Variants in PRKAR1B observed in about 807,000 individuals in gnomAD.
PRKAR1B encodes cAMP-dependent protein kinase type I-beta regulatory subunit.
A neutral mutation model predicts 46.5 loss-of-function variants in PRKAR1B; 22 were observed. The ratio of observed to expected loss-of-function variants is 0.47; its 90% CI spans 0.34 to 0.68. PRKAR1B has a LOEUF of 0.68. PRKAR1B is among the 30% of genes least tolerant of loss of function. The probability of loss-of-function intolerance (pLI) is 0.01; values close to 1 mark genes in which losing one functional copy is unlikely to be tolerated. For synonymous variants in PRKAR1B, 259 were observed against 217.7 expected (o/e 1.19, Z -1.67); for missense variants, 445 against 535.6 (o/e 0.83, Z 1.67).
chr7:551,544 C>A (rs1784198208), intron 9 of PRKAR1B, 74 bp from the exon 10 acceptor site: 3 of 1,416,186 alleles, frequency 2.1e-6, no homozygotes, highest in African/African-American at 1.4e-5. Context: ...GGGGTCACCC[C>A]ACAGGGGGTC....
At chr7:688,912 C>T (rs1779255476) in intron 2 of PRKAR1B, among the ~76,000 whole-genome samples, 1 of 152,152 alleles carries the variant, frequency 6.6e-6, no homozygotes. Context: ...ACAGTAAATG[C>T]TTAATACATA....
chr7:641,973 G>A (rs1179367094), intron 4 of PRKAR1B, among the ~76,000 whole-genome samples: 2 of 152,046 alleles, frequency 1.3e-5, no homozygotes, highest in Non-Finnish European at 1.5e-5. Context: ...GCACAATCCA[G>A]CTCACTGCAG....
rs955609615 is a variant in PRKAR1B, at chr7:714,447, C to T, written c.-22-2920G>A. Reference sequence around the variant, plus strand: ...CAGGTTTGGGGGCTGGCAGCATGCACGTGGCCAGCCAGACATGCGGCCCCT... The same window carrying T: ...CAGGTTTGGGGGCTGGCAGCATGCATGTGGCCAGCCAGACATGCGGCCCCT... On this transcript the variant is annotated intron_variant, in intron 1 of 10. Coordinates refer to ENST00000537384, the MANE Select transcript of PRKAR1B (RefSeq NM_001164760.2). The surrounding 1 kb of genome is among the most constrained non-coding windows in gnomAD (Gnocchi z 4.3). 6.6e-6 allele frequency among the ~76,000 whole-genome samples: 1 copy of T among 152,206 alleles called. No homozygotes were observed. Among genetic ancestry groups the T allele is most frequent in the South Asian group, 2.1e-4 (1 of 4,824 alleles).
chr7:607,107 G>A (rs769303383), intron 5 of PRKAR1B, among the ~76,000 whole-genome samples: 31 of 152,040 alleles, frequency 2.0e-4, no homozygotes, highest in South Asian at 4.1e-4. Context: ...AGGTTCAAGC[G>A]ATTCTCCTGC....
intron 4 of PRKAR1B, among the ~76,000 whole-genome samples, chr7:628,213 G>A (rs1424893217): frequency 1.3e-5 from 2 of 152,236 alleles, no homozygotes; most frequent in Non-Finnish European, 2.9e-5. Context: ...TCAGCGATGG[G>A]CTCTGCGGGC....
chr7:582,422 C>A lies in PRKAR1B; in HGVS notation c.769+2086G>T, dbSNP rs1780240500. On this transcript the variant is annotated intron_variant, in intron 8 of 10. Transcript: ENST00000537384. Reference sequence around the variant, plus strand: ...GCTGCCTGCGGAGACACCGCCCCGCCAGCCACTTTTTGGAGGACTTTGTGC... The same window carrying A: ...GCTGCCTGCGGAGACACCGCCCCGCAAGCCACTTTTTGGAGGACTTTGTGC... 2.6e-5 allele frequency among the ~76,000 whole-genome samples: 4 copies of A among 152,282 alleles called. No homozygotes were observed. In the South Asian group the frequency reaches 8.3e-4, roughly 31 times the overall value.
At chr7:632,162 ATCT>A (rs2128479874) in intron 4 of PRKAR1B, among the ~76,000 whole-genome samples, 1 of 152,262 alleles carries the variant, frequency 6.6e-6, no homozygotes, top group East Asian at 1.9e-4. Context: ...AAGGTCTGTT[ATCT>A]CTCTCTGCCT....
rs996938609 is a variant in PRKAR1B, at chr7:677,332, C to A, written c.349-12G>T. 50 of 1,613,478 alleles carry A rather than the reference C, an allele frequency of 3.1e-5. No individual in the cohort carries two copies. The African/African-American group carries it at 6.4e-4, about 21-fold the overall frequency. Reference sequence around the variant, plus strand: ...TCCTTGGGAATCACCTGAAGCGGAGCCAACACATCACCGTGTGAGCCACCC... The same window carrying A: ...TCCTTGGGAATCACCTGAAGCGGAGACAACACATCACCGTGTGAGCCACCC... On this transcript the variant is annotated splice_polypyrimidine_tract_variant and intron_variant, in intron 3 of 10. Transcript: ENST00000537384.
At chr7:701,846 G>C (rs1341453346) in intron 2 of PRKAR1B, among the ~76,000 whole-genome samples, 1 of 152,164 alleles carries the variant, frequency 6.6e-6, no homozygotes, top group African/African-American at 2.4e-5. Flanking sequence ...CAGCAATCCT[G>C]CTCTAAGAGG....
intron 6 of PRKAR1B, 49 bp from the exon 7 acceptor site, chr7:596,353 C>G: frequency 6.4e-7 from 1 of 1,572,454 alleles, no homozygotes; most frequent in Non-Finnish European, 8.7e-7. Context: ...GCAGGGTGAC[C>G]TCCTCTGCAT....
At position 649,747 on chromosome 7, in the gene PRKAR1B, C is replaced by A. The variant is rs186807653; in HGVS notation, c.440+27482G>T. ...GGCCTGGCTAATTTTTTGTTCTTTGCAGAGATTAGTGTCTTGCTATGTTGC... is the reference window on the plus strand; with the variant it reads ...GGCCTGGCTAATTTTTTGTTCTTTGAAGAGATTAGTGTCTTGCTATGTTGC... On this transcript the variant is annotated intron_variant, in intron 4 of 10. Transcript: ENST00000537384. Among the ~76,000 whole-genome samples, 318 of 150,132 alleles carry A rather than the reference C, an allele frequency of 2.1e-3. 2 individuals are homozygous for A. The highest frequency in any genetic ancestry group is 9.5e-4 in the Non-Finnish European group (64 of 67,584).
At chr7:695,816 A>G (rs962102795) in intron 2 of PRKAR1B, among the ~76,000 whole-genome samples, 4 of 151,288 alleles carry the variant, frequency 2.6e-5, no homozygotes, top group Admixed American at 1.3e-4. Context: ...GGTGCCTGCC[A>G]CCATGCCCGG....
At chr7:728,457 C>G (rs76327593), upstream of PRKAR1B, among the ~76,000 whole-genome samples, 698 of 152,282 alleles carry the variant, frequency 4.6e-3, 8 homozygotes, top group African/African-American at 0.016. Flanking sequence ...GAATAGATTC[C>G]AGAAGTAGAG....
At chr7:669,867 AT>A (rs570284003) in intron 4 of PRKAR1B, among the ~76,000 whole-genome samples, 16,463 of 131,278 alleles carry the variant, frequency 0.13, 1,226 homozygotes, top group South Asian at 0.23. Context: ...CACGTGCCAT[AT>A]TTTTTTTTTT....
intron 7 of PRKAR1B, among the ~76,000 whole-genome samples, chr7:590,065 G>A (rs569114766): frequency 7.2e-5 from 11 of 152,318 alleles, no homozygotes; most frequent in Admixed American, 2.6e-4. Flanking sequence ...CGGAAATGTC[G>A]GTGGCCTGGC....
Position 727,273 on chromosome 7 carries a change from G to C in PRKAR1B, c.-86C>G, listed in dbSNP as rs1186232599. The C allele has an allele frequency of 1.5e-6, 2 of 1,319,238 alleles. No individual in the cohort carries two copies. Among genetic ancestry groups the C allele is most frequent in the Non-Finnish European group, 9.6e-7 (1 of 1,038,398 alleles). The allele number at this position is 1,319,238 out of a possible 1,614,324, so 81.7% of individuals were successfully genotyped here. ...CGACCCCTTCGCCGCCGTGCGCCGC[G>C]AGAGCTGCAGCTGCGCCGCCGCCCT... On this transcript the variant is annotated 5_prime_UTR_variant, in exon 1 of 11. Coordinates refer to ENST00000537384, the MANE Select transcript of PRKAR1B (RefSeq NM_001164760.2).
chr7:643,408 C>T (rs1784483370), intron 4 of PRKAR1B, among the ~76,000 whole-genome samples: 1 of 151,448 alleles, frequency 6.6e-6, no homozygotes, highest in Non-Finnish European at 1.5e-5. Context: ...CTGGACGATC[C>T]TTCGCAGCTC....
At chr7:680,157 CAAAAAAAA>C (rs372918350) in intron 3 of PRKAR1B, among the ~76,000 whole-genome samples, 15,281 of 73,646 alleles carry the variant, frequency 0.21, 885 homozygotes, top group South Asian at 0.36. Context: ...GACTCTGTTT[CAAAAAAAA>C]AAAAAAAAAA....
chr7:600,333 C>T (rs530560689), intron 6 of PRKAR1B, among the ~76,000 whole-genome samples: 17 of 151,982 alleles, frequency 1.1e-4, no homozygotes, highest in African/African-American at 3.6e-4. Context: ...AGCAAGACCC[C>T]GTCTCTATGA....
Sources: gnomAD v4.1 joint callset for allele counts (sites outside exome capture counted in the v4.1 genomes callset) on GRCh38, gnomAD v4.1.1 for gene constraint, Gnocchi (gnomAD v3.1) non-coding constraint, MANE v1.5 for transcripts, NCBI Gene and HGNC (gene_info 2026-07-23, HGNC 2026-07-21) for gene names.